XRN1: variants seen among roughly 807,000 people sequenced by gnomAD.
The protein encoded by XRN1 is strand-exchange protein 1 homolog.
XRN1 carries 67 observed loss-of-function variants against 222.3 expected under a neutral mutation model. That is an observed-to-expected ratio of 0.30 (90% CI 0.25 to 0.37). The LOEUF (loss-of-function observed/expected upper bound fraction) is 0.37, where lower values mean the gene tolerates loss of function less well. Ranked by LOEUF, XRN1 falls within the 10% of genes least tolerant of loss-of-function variation. XRN1 has a pLI of 1.00. For missense variants in XRN1, 1,707 were observed against 2,000.2 expected, an observed-to-expected ratio of 0.85 and a Z score of 2.80; for synonymous variants, 643 against 652.4, an observed-to-expected ratio of 0.99 and a Z score of 0.22.
rs530601698 is a variant in XRN1, at chr3:142,448,019, C to T, written c.-75G>A. On this transcript the variant is annotated 5_prime_UTR_variant, in exon 1 of 41. Transcript: ENST00000392981. Reference sequence around the variant, plus strand: ...CCCGCCGGGGCTCCGCCGCAGCCTCCGGTCGTCGCTCCGCGGATGACAACA... The same window carrying T: ...CCCGCCGGGGCTCCGCCGCAGCCTCTGGTCGTCGCTCCGCGGATGACAACA... 2 of 1,501,834 alleles carry T rather than the reference C, an allele frequency of 1.3e-6. No homozygotes were observed. Among genetic ancestry groups the T allele is most frequent in the South Asian group, 2.3e-5 (2 of 87,992 alleles). The allele number at this position is 1,501,834 out of a possible 1,614,324, so 93.0% of individuals were successfully genotyped here.
chr3:142,381,009 A>C (rs1476952485), intron 22 of XRN1, among the ~76,000 whole-genome samples: 2 of 46,922 alleles, frequency 4.3e-5, no homozygotes, highest in Non-Finnish European at 6.2e-5. Context: ...AAGTACCAAA[A>C]AGTTGCAAAA....
chr3:142,351,548 C>A (rs551524322), intron 32 of XRN1, among the ~76,000 whole-genome samples: 1 of 152,040 alleles, frequency 6.6e-6, no homozygotes, highest in Non-Finnish European at 1.5e-5. Flanking sequence ...CCAGTATAGA[C>A]AATTTTTTCA....
intron 23 of XRN1, 124 bp from the exon 24 acceptor site, chr3:142,376,718 G>C (rs1218703408): frequency 1.4e-6 from 1 of 703,108 alleles, no homozygotes; most frequent in African/African-American, 1.8e-5. Context: ...GGCAATATAA[G>C]GATTTTCACT....
chr3:142,389,988 C>T (rs1164363991), intron 20 of XRN1, among the ~76,000 whole-genome samples: 1 of 152,182 alleles, frequency 6.6e-6, no homozygotes, highest in Non-Finnish European at 1.5e-5. Flanking sequence ...ATCAGGTGCA[C>T]TGTCAATGAA....
chr3:142,431,498 G>A (rs1361951485), intron 2 of XRN1, among the ~76,000 whole-genome samples: 1 of 151,522 alleles, frequency 6.6e-6, no homozygotes, highest in Admixed American at 6.6e-5. Flanking sequence ...CTGGCCAACA[G>A]AGTGAAACCC....
At chr3:142,313,593 T>C (rs1350394273) in intron 39 of XRN1, among the ~76,000 whole-genome samples, 1 of 152,226 alleles carries the variant, frequency 6.6e-6, no homozygotes, top group African/African-American at 2.4e-5. Context: ...GCCAGACCTG[T>C]AAAACAGTAT....
intron 20 of XRN1, among the ~76,000 whole-genome samples, chr3:142,392,402 T>C (rs1001475482): frequency 6.6e-6 from 1 of 152,094 alleles, no homozygotes; most frequent in African/African-American, 2.4e-5. Context: ...TATGTATACA[T>C]ATGCCATGCT....
At chr3:142,402,027 G>T (rs1165738014) in intron 18 of XRN1, among the ~76,000 whole-genome samples, 1 of 151,928 alleles carries the variant, frequency 6.6e-6, no homozygotes, top group African/African-American at 2.4e-5. Context: ...TTATAACTGT[G>T]GGCATTTCTT....
intron 25 of XRN1, among the ~76,000 whole-genome samples, 159 bp downstream of exon 25, chr3:142,375,639 C>T (rs141826399): frequency 1.9e-4 from 29 of 152,076 alleles, no homozygotes; most frequent in Admixed American, 2.0e-4. Context: ...TTAGCTAGTG[C>T]CTATGATATT....
intron 34 of XRN1, 99 bp downstream of exon 34, chr3:142,335,349 A>C (rs2065822994): frequency 1.4e-5 from 16 of 1,140,552 alleles, no homozygotes; most frequent in Non-Finnish European, 2.1e-5. Flanking sequence ...ACACCTTATA[A>C]ATTTGGTTGA....
chr3:142,440,716 C>G (rs1015219133), intron 1 of XRN1, among the ~76,000 whole-genome samples: 5 of 152,172 alleles, frequency 3.3e-5, no homozygotes, highest in African/African-American at 9.7e-5. Flanking sequence ...CTATACCCAG[C>G]TGTACCTAAC....
intron 39 of XRN1, chr3:142,313,219 T>A: frequency 6.3e-7 from 1 of 1,575,032 alleles, no homozygotes; most frequent in Non-Finnish European, 8.6e-7. Flanking sequence ...TCTCATCACC[T>A]TCATATGACA....
At position 142,447,828 on chromosome 3, in the gene XRN1, C is replaced by G; in HGVS notation, c.75+42G>C. On this transcript the variant is annotated intron_variant, in intron 1 of 40. Transcript: ENST00000392981. The surrounding 1 kb of genome is among the most constrained non-coding windows in gnomAD (Gnocchi z 4.2). ...TAAGGTGGAGAGGGCCGCGGAGCCC[C>G]GGGTCCTCGGCTTTCTGAGCCGTTG... is the stretch of plus-strand genomic sequence containing the variant. 2 of 1,607,558 alleles carry G rather than the reference C, an allele frequency of 1.2e-6. No homozygotes were observed. Among genetic ancestry groups the G allele is most frequent in the Non-Finnish European group, 1.7e-6 (2 of 1,176,284 alleles).
chr3:142,335,629 C>T, intron 33 of XRN1, 120 bp from the exon 34 acceptor site: 1 of 863,912 alleles, frequency 1.2e-6, no homozygotes, highest in Non-Finnish European at 1.8e-6. Flanking sequence ...AAGACACAGT[C>T]TCTGAACTTA....
chr3:142,401,994 T>G (rs537583604), intron 18 of XRN1, among the ~76,000 whole-genome samples: 1 of 152,192 alleles, frequency 6.6e-6, no homozygotes, highest in Non-Finnish European at 1.5e-5. Context: ...CCTCTCTGTT[T>G]CTACTGGCTC....
rs187245453 is a variant in XRN1, at chr3:142,363,319, C to G, written c.3394+1728G>C. 1.2e-3 allele frequency among the ~76,000 whole-genome samples: 183 copies of G among 151,214 alleles called. 2 individuals carry two copies. Among genetic ancestry groups the G allele is most frequent in the African/African-American group, 4.3e-3 (176 of 41,144 alleles). On this transcript the variant is annotated intron_variant, in intron 29 of 40. Transcript: ENST00000392981. ...ACACTAAACAAGTCCTCAATATATA[C>G]AGCACGATTTTTAAATTAAATTACA...
At chr3:142,338,911 C>T (rs1016496118) in intron 33 of XRN1, among the ~76,000 whole-genome samples, 3 of 152,180 alleles carry the variant, frequency 2.0e-5, no homozygotes, top group Non-Finnish European at 2.9e-5. Flanking sequence ...CTCAAGGTTT[C>T]AGGGCCAGCT....
At chr3:142,431,295 AC>A (rs2069512528) in intron 2 of XRN1, among the ~76,000 whole-genome samples, 4 of 152,332 alleles carry the variant, frequency 2.6e-5, no homozygotes, top group Non-Finnish European at 5.9e-5. Flanking sequence ...AGATCTAGCA[AC>A]TGCACTGTAG....
At chr3:142,369,067 G>A (rs928741405) in intron 27 of XRN1, among the ~76,000 whole-genome samples, 2 of 152,184 alleles carry the variant, frequency 1.3e-5, no homozygotes, top group African/African-American at 4.8e-5. Flanking sequence ...AACTCAGGGT[G>A]TTAGGGGAGA....
Sources: gnomAD v4.1 joint callset for allele counts (sites outside exome capture counted in the v4.1 genomes callset) on GRCh38, gnomAD v4.1.1 for gene constraint, Gnocchi (gnomAD v3.1) non-coding constraint, MANE v1.5 for transcripts, NCBI Gene and HGNC (gene_info 2026-07-23, HGNC 2026-07-21) for gene names.